The following PCSK2 variants were observed in gnomAD, a reference collection of about 807,000 sequenced individuals.
PCSK2 encodes the protein neuroendocrine convertase 2.
Under a neutral mutation model 69.7 loss-of-function variants are expected in PCSK2, and 14 were observed. The ratio of observed to expected loss-of-function variants is 0.20; its 90% confidence interval spans 0.13 to 0.31. The LOEUF (loss-of-function observed/expected upper bound fraction) is 0.31, where lower values mean the gene tolerates loss of function less well. Ranked by LOEUF, PCSK2 falls within the 10% of genes least tolerant of loss-of-function variation. The pLI is 1.00. For missense variants in PCSK2, 544 were observed against 842.5 expected (o/e 0.65, Z 4.39); for synonymous variants, 307 against 320.7 (o/e 0.96, Z 0.46).
intron 4 of PCSK2, among the ~76,000 whole-genome samples, chr20:17,361,193 A>T (rs1248217123): frequency 2.0e-5 from 3 of 152,212 alleles, no homozygotes; most frequent in African/African-American, 7.2e-5. Flanking sequence ...CTACATCCAT[A>T]AAACAGCTTT....
chr20:17,342,629 T>C (rs930731185), intron 2 of PCSK2, among the ~76,000 whole-genome samples: 1 of 150,620 alleles, frequency 6.6e-6, no homozygotes, highest in Non-Finnish European at 1.5e-5. Context: ...ATAAAGCTCT[T>C]TAATAAACTT....
chr20:17,471,296 G>A (rs545839375), intron 11 of PCSK2, among the ~76,000 whole-genome samples: 10 of 152,258 alleles, frequency 6.6e-5, no homozygotes, highest in Non-Finnish European at 1.3e-4. Context: ...TCTGAGGTCC[G>A]GAGATGTGAT....
chr20:17,418,457 G>C (rs747151744), intron 6 of PCSK2, among the ~76,000 whole-genome samples: 2 of 152,150 alleles, frequency 1.3e-5, no homozygotes, highest in Non-Finnish European at 2.9e-5. Context: ...CTGGATAACT[G>C]CTGTGGGATT....
At chr20:17,311,471 G>T (rs148230076) in intron 2 of PCSK2, among the ~76,000 whole-genome samples, 4 of 152,070 alleles carry the variant, frequency 2.6e-5, no homozygotes, top group African/African-American at 4.8e-5. Context: ...AACTGAAGTA[G>T]TAAGCTGTTG....
At chr20:17,330,755 G>A (rs1316271603) in intron 2 of PCSK2, among the ~76,000 whole-genome samples, 1 of 152,190 alleles carries the variant, frequency 6.6e-6, no homozygotes, top group Non-Finnish European at 1.5e-5. Context: ...GGCCAGGTCT[G>A]AGGCTGGACC....
chr20:17,250,536 C>T (rs958163078), intron 1 of PCSK2, among the ~76,000 whole-genome samples: 3 of 152,112 alleles, frequency 2.0e-5, no homozygotes, highest in Admixed American at 6.5e-5. Flanking sequence ...TTGTATCTCA[C>T]CTATTAATTT....
chr20:17,327,174 T>C (rs1990082183), intron 2 of PCSK2, among the ~76,000 whole-genome samples: 1 of 152,216 alleles, frequency 6.6e-6, no homozygotes, highest in African/African-American at 2.4e-5. Flanking sequence ...CACAGCTCCT[T>C]TCAAAGAAAG....
At chr20:17,428,339 T>C (rs1224697376) in intron 6 of PCSK2, among the ~76,000 whole-genome samples, 1 of 152,146 alleles carries the variant, frequency 6.6e-6, no homozygotes, top group Non-Finnish European at 1.5e-5. Context: ...CCAAAGAGAA[T>C]TTTGAGGCAT....
chr20:17,426,814 A>G (rs1382306452), intron 6 of PCSK2, among the ~76,000 whole-genome samples: 1 of 152,232 alleles, frequency 6.6e-6, no homozygotes, highest in Non-Finnish European at 1.5e-5. Context: ...CACGCACATT[A>G]TGGAGGACAA....
At chr20:17,437,142 G>C (rs2281205) in intron 8 of PCSK2, among the ~76,000 whole-genome samples, 85,576 of 151,766 alleles carry the variant, frequency 0.56, 24,418 homozygotes, top group South Asian at 0.68. Context: ...GGGGCCGGGG[G>C]GGGGAGGGTC....
intron 11 of PCSK2, among the ~76,000 whole-genome samples, chr20:17,466,637 A>G (rs1229961551): frequency 6.6e-6 from 1 of 152,204 alleles, no homozygotes; most frequent in Non-Finnish European, 1.5e-5. Context: ...GCATTAGTAA[A>G]ATGGAGATAG....
At chr20:17,429,407 T>C in intron 6 of PCSK2, 28 bp from the exon 7 acceptor site, 1 of 1,577,908 alleles carries the variant, frequency 6.3e-7, no homozygotes, top group Non-Finnish European at 8.7e-7. Flanking sequence ...TCACTGCATA[T>C]CTAATGTGTC....
At chr20:17,454,051 C>G in intron 9 of PCSK2, 94 bp downstream of exon 9, 1 of 1,535,674 alleles carries the variant, frequency 6.5e-7, no homozygotes, top group Non-Finnish European at 8.8e-7. Context: ...CCCCTCCTGT[C>G]CCCTCCCTCA....
chr20:17,246,737 C>G (rs1986786146), intron 1 of PCSK2, among the ~76,000 whole-genome samples: 1 of 151,458 alleles, frequency 6.6e-6, no homozygotes. Context: ...GGCTGTCAAT[C>G]AGACTATCCC....
chr20:17,384,814 C>A (rs1359074112), intron 5 of PCSK2, among the ~76,000 whole-genome samples: 1 of 151,858 alleles, frequency 6.6e-6, no homozygotes, highest in Non-Finnish European at 1.5e-5. Flanking sequence ...ATCTGTAGTC[C>A]CACCTACTCA....
At chr20:17,478,294 A>G (rs1167142819) in intron 11 of PCSK2, among the ~76,000 whole-genome samples, 2 of 152,202 alleles carry the variant, frequency 1.3e-5, no homozygotes, top group Non-Finnish European at 2.9e-5. Context: ...GGAACTTAGC[A>G]TTTACACAGC....
intron 4 of PCSK2, among the ~76,000 whole-genome samples, chr20:17,365,172 G>A (rs2123222976): frequency 6.6e-6 from 1 of 152,256 alleles, no homozygotes; most frequent in African/African-American, 2.4e-5. Context: ...ATAAAGGCTT[G>A]CTCTCTGCTT....
At chr20:17,450,963 A>C (rs1258721088) in intron 8 of PCSK2, among the ~76,000 whole-genome samples, 1 of 152,066 alleles carries the variant, frequency 6.6e-6, no homozygotes, top group Non-Finnish European at 1.5e-5. Context: ...CAGTCCTCTT[A>C]TGGAGGTCCC....
chr20:17,249,688 T>A (rs1344838724), intron 1 of PCSK2, among the ~76,000 whole-genome samples: 1 of 152,120 alleles, frequency 6.6e-6, no homozygotes, highest in Non-Finnish European at 1.5e-5. Flanking sequence ...TTCTGACACA[T>A]GCCACAACAT....
Sources: gnomAD v4.1 joint callset for allele counts (sites outside exome capture counted in the v4.1 genomes callset) on GRCh38, gnomAD v4.1.1 for gene constraint, MANE v1.5 for transcripts, NCBI Gene and HGNC (gene_info 2026-07-23, HGNC 2026-07-21) for gene names.